PLCB1: variants seen among roughly 807,000 people sequenced by gnomAD.
PLCB1 encodes the protein 1-phosphatidylinositol 4,5-bisphosphate phosphodiesterase beta-1.
In PLCB1, 46 loss-of-function variants were observed where a neutral mutation model predicts 161.8. The ratio of observed to expected loss-of-function variants is 0.28; its 90% confidence interval spans 0.22 to 0.36. PLCB1 has a LOEUF of 0.36. PLCB1 is among the 10% of genes least tolerant of loss of function. PLCB1 has a pLI of 1.00. For synonymous variants in PLCB1, 517 were observed against 503.7 expected (o/e 1.03, Z -0.35); for missense variants, 1,016 against 1,472.5 (o/e 0.69, Z 5.07).
At chr20:8,655,456 A>AC (rs1989432794) in intron 7 of PLCB1, among the ~76,000 whole-genome samples, 1 of 152,142 alleles carries the variant, frequency 6.6e-6, no homozygotes, top group Non-Finnish European at 1.5e-5. Flanking sequence ...TGGGAGCACA[A>AC]TACATTGAGT....
At chr20:8,822,497 C>T (rs1169783056) in intron 31 of PLCB1, among the ~76,000 whole-genome samples, 12 of 152,110 alleles carry the variant, frequency 7.9e-5, no homozygotes, top group Admixed American at 7.9e-4. Context: ...GGGTAGGATT[C>T]TGGGCATTTT....
Position 8,239,742 on chromosome 20 carries a change from G to A in PLCB1, c.177+89371G>A, listed in dbSNP as rs534030078. Among the ~76,000 whole-genome samples the A allele has an allele frequency of 1.3e-3, 203 of 152,018 alleles. 1 individual carries two copies. The highest frequency in any genetic ancestry group is 3.9e-3 in the African/African-American group (162 of 41,516). On this transcript the variant is annotated intron_variant, in intron 2 of 31. Coordinates refer to ENST00000338037, the MANE Select transcript of PLCB1 (RefSeq NM_015192.4). Reference sequence around the variant, plus strand: ...TCCTTTTTATTAAACACAAAGAATAGCATTTTATTCTATGCCTTAGAATTT... The same window carrying A: ...TCCTTTTTATTAAACACAAAGAATAACATTTTATTCTATGCCTTAGAATTT...
At chr20:8,524,055 T>C (rs1984486936) in intron 3 of PLCB1, among the ~76,000 whole-genome samples, 1 of 152,092 alleles carries the variant, frequency 6.6e-6, no homozygotes, top group African/African-American at 2.4e-5. Flanking sequence ...TGTTGAAAAA[T>C]ACAGCAACAA....
rs74855776 is a variant in PLCB1 at position 8,139,982 on chromosome 20, G to A, written c.99+7232G>A. On this transcript the variant is annotated intron_variant, in intron 1 of 31. Transcript: ENST00000338037. ...AGGGGCCAATTTCCTGCATCCTTTG[G>A]GTTGTTTCTACAGATACGTGAGAAG... Among the ~76,000 whole-genome samples the A allele has an allele frequency of 6.0e-3, 907 of 152,284 alleles. 6 individuals carry two copies. Among genetic ancestry groups the A allele is most frequent in the African/African-American group, 0.02 (832 of 41,554 alleles).
At chr20:8,877,499 G>A (rs1476530935) in intron 31 of PLCB1, among the ~76,000 whole-genome samples, 1 of 152,178 alleles carries the variant, frequency 6.6e-6, no homozygotes, top group Non-Finnish European at 1.5e-5. Flanking sequence ...TGAGTTGTTT[G>A]TACTCCCTTT....
chr20:8,538,524 T>C (rs1215929392), intron 3 of PLCB1, among the ~76,000 whole-genome samples: 2 of 152,100 alleles, frequency 1.3e-5, no homozygotes, highest in Non-Finnish European at 2.9e-5. Flanking sequence ...TTTTAAAAAA[T>C]GTTTTGTAGA....
At chr20:8,397,722 A>G (rs1987809277) in intron 3 of PLCB1, among the ~76,000 whole-genome samples, 1 of 152,080 alleles carries the variant, frequency 6.6e-6, no homozygotes, top group Non-Finnish European at 1.5e-5. Flanking sequence ...CATTCTATCT[A>G]TGTGCTTTTA....
intron 31 of PLCB1, among the ~76,000 whole-genome samples, chr20:8,850,955 G>C (rs2146301605): frequency 6.6e-6 from 1 of 152,294 alleles, no homozygotes; most frequent in East Asian, 1.9e-4. Context: ...CCAGTAACCT[G>C]GCTGAATAAT....
chr20:8,518,398 A>T (rs563629643), intron 3 of PLCB1, among the ~76,000 whole-genome samples: 1 of 152,228 alleles, frequency 6.6e-6, no homozygotes, highest in Admixed American at 6.5e-5. Context: ...GGAGCCTCTC[A>T]GGGGTGGGAT....
chr20:8,706,280 A>G (rs763286822), intron 11 of PLCB1, among the ~76,000 whole-genome samples: 3 of 152,248 alleles, frequency 2.0e-5, no homozygotes, highest in Non-Finnish European at 4.4e-5. Flanking sequence ...GCCCTTGGCC[A>G]AAATAAAACC....
At chr20:8,469,737 G>A (rs1981971268) in intron 3 of PLCB1, among the ~76,000 whole-genome samples, 1 of 152,122 alleles carries the variant, frequency 6.6e-6, no homozygotes, top group African/African-American at 2.4e-5. Context: ...CAAGTAACAA[G>A]TAACCAGTCA....
intron 2 of PLCB1, among the ~76,000 whole-genome samples, chr20:8,330,985 T>C (rs1212348733): frequency 1.3e-5 from 2 of 152,230 alleles, no homozygotes; most frequent in Non-Finnish European, 2.9e-5. Flanking sequence ...GGTTAAACTA[T>C]ATAAAATACC....
chr20:8,484,481 C>A (rs1982638610), intron 3 of PLCB1, among the ~76,000 whole-genome samples: 1 of 151,962 alleles, frequency 6.6e-6, no homozygotes, highest in African/African-American at 2.4e-5. Flanking sequence ...CTGCCTCAGC[C>A]TCCCAAGTAG....
chr20:8,760,632 A>G lies in PLCB1; in HGVS notation c.2710+172A>G, dbSNP rs755635896. Among the ~76,000 whole-genome samples the G allele has an allele frequency of 4.3e-4, 65 of 152,246 alleles. 1 individual carries two copies. The highest frequency in any genetic ancestry group is 4.4e-5 in the Non-Finnish European group (3 of 68,040). On this transcript the variant is annotated intron_variant, in intron 25 of 31. Coordinates refer to ENST00000338037, the MANE Select transcript of PLCB1 (RefSeq NM_015192.4). ...AGTTTAGTCTACATGATATGATATA[A>G]TCACAGAGAAGTAACCATACTTTGT...
At chr20:8,662,267 G>GTATATAAT (rs1989681280) in intron 9 of PLCB1, among the ~76,000 whole-genome samples, 1 of 76,048 alleles carries the variant, frequency 1.3e-5, no homozygotes, top group Non-Finnish European at 2.3e-5. Context: ...CTATACATAA[G>GTATATAAT]TATTTATTAT....
At chr20:8,140,839 C>T (rs1295177224) in intron 1 of PLCB1, among the ~76,000 whole-genome samples, 1 of 151,600 alleles carries the variant, frequency 6.6e-6, no homozygotes, top group East Asian at 1.9e-4. Context: ...GCTCTTTTTG[C>T]CCAGGCTGGA....
intron 3 of PLCB1, among the ~76,000 whole-genome samples, chr20:8,379,790 G>C (rs1987207042): frequency 6.6e-6 from 1 of 152,020 alleles, no homozygotes; most frequent in South Asian, 2.1e-4. Flanking sequence ...CCCACTTTTT[G>C]ATGGTGGTAT....
rs184502578 is a variant in PLCB1, at chr20:8,233,614, A to T, written c.177+83243A>T. Reference sequence around the variant, plus strand: ...AAATAGTATAGCTCAGTGAGTTTTTACAAGATGAGCACATCCCTGTAACCA... The same window carrying T: ...AAATAGTATAGCTCAGTGAGTTTTTTCAAGATGAGCACATCCCTGTAACCA... On this transcript the variant is annotated intron_variant, in intron 2 of 31. Transcript: ENST00000338037. 5.2e-3 allele frequency among the ~76,000 whole-genome samples: 795 copies of T among 152,256 alleles called. 3 individuals carry two copies. Among genetic ancestry groups the T allele is most frequent in the Non-Finnish European group, 7.8e-3 (531 of 68,010 alleles).
intron 31 of PLCB1, among the ~76,000 whole-genome samples, chr20:8,829,808 G>A (rs1216153737): frequency 1.3e-5 from 2 of 152,170 alleles, no homozygotes; most frequent in Non-Finnish European, 2.9e-5. Context: ...GTAAAAATTT[G>A]CCTGACTGAA....
Sources: gnomAD v4.1 joint callset for allele counts (sites outside exome capture counted in the v4.1 genomes callset) on GRCh38, gnomAD v4.1.1 for gene constraint, MANE v1.5 for transcripts, NCBI Gene and HGNC (gene_info 2026-07-23, HGNC 2026-07-21) for gene names.